UTRN: variants seen among roughly 807,000 people sequenced by gnomAD.
UTRN encodes the protein dystrophin-related protein 1.
A neutral mutation model predicts 463.9 loss-of-function variants in UTRN; 283 were observed. That is an observed-to-expected ratio of 0.61 (90% CI 0.55 to 0.67). The LOEUF (loss-of-function observed/expected upper bound fraction) is 0.67. Ranked by LOEUF, UTRN falls within the 30% of genes least tolerant of loss-of-function variation. The probability of loss-of-function intolerance (pLI) is 0.00; values close to 1 mark genes in which losing one functional copy is unlikely to be tolerated. For synonymous variants in UTRN, 1,442 were observed against 1,431.5 expected (o/e 1.01, Z -0.17); for missense variants, 3,922 against 4,084.3 (o/e 0.96, Z 1.08).
intron 27 of UTRN, among the ~76,000 whole-genome samples, chr6:144,483,845 C>T (rs1012821316): frequency 2.0e-5 from 3 of 152,198 alleles, no homozygotes; most frequent in East Asian, 1.9e-4. Context: ...AACACATACC[C>T]CCCTCCAAGA....
At position 144,461,205 on chromosome 6, in the gene UTRN, G is replaced by A; in HGVS notation, c.2716G>A (p.Gly906Ser). 1 of 1,577,830 alleles carries A rather than the reference G, an allele frequency of 6.3e-7. No homozygotes were observed. Residue 906 changes from glycine (G) to serine (S), a missense_variant, in exon 22 of 75, where the codon GGC becomes AGC. Coordinates refer to ENST00000367545, the MANE Select transcript of UTRN (RefSeq NM_007124.3). ...RQQHLENELK[G>S]QPGHAYLETL... ...TATTTTTAAATAAACAGAACTGAAGGGCCAACCTGGACATGCATATCTGGA... is the reference window on the plus strand; with the variant it reads ...TATTTTTAAATAAACAGAACTGAAGAGCCAACCTGGACATGCATATCTGGA...
chr6:144,619,753 T>C (rs764585373), intron 51 of UTRN, among the ~76,000 whole-genome samples: 1 of 152,186 alleles, frequency 6.6e-6, no homozygotes, highest in Non-Finnish European at 1.5e-5. Context: ...CAAAGTTAGA[T>C]GGACTCCATA....
At chr6:144,508,695 C>T (rs1794911368) in intron 34 of UTRN, among the ~76,000 whole-genome samples, 1 of 152,196 alleles carries the variant, frequency 6.6e-6, no homozygotes, top group Non-Finnish European at 1.5e-5. Flanking sequence ...CAGCCACCTC[C>T]TCTGCTAGCT....
In UTRN at chr6:144,286,491, G is replaced by T. The variant is rs1187045169; in HGVS notation, c.-93+670G>T. Among the ~76,000 whole-genome samples, 2 of 152,178 alleles carry T rather than the reference G, an allele frequency of 1.3e-5. No individual in the cohort carries two copies. Among genetic ancestry groups the T allele is most frequent in the Admixed American group, 6.5e-5 (1 of 15,284 alleles). On this transcript the variant is annotated intron_variant, in intron 1 of 74. Transcript: ENST00000367545. The surrounding 1 kb of genome is among the most constrained non-coding windows in gnomAD (Gnocchi z 4.4). ...AGACTGAGGGGACAGGAGGAGGGGG[G>T]CGCCCCATTGGTGTGTAGTCCCGCG... is the stretch of plus-strand genomic sequence containing the variant.
At chr6:144,690,295 G>A (rs1446486023) in intron 52 of UTRN, among the ~76,000 whole-genome samples, 2 of 151,480 alleles carry the variant, frequency 1.3e-5, no homozygotes, top group Non-Finnish European at 2.9e-5. Context: ...AGCTGCCTCT[G>A]CTGCACAGAA....
At chr6:144,584,112 T>C (rs2128628116) in intron 51 of UTRN, among the ~76,000 whole-genome samples, 1 of 152,340 alleles carries the variant, frequency 6.6e-6, no homozygotes, top group East Asian at 1.9e-4. Flanking sequence ...CCCTATATTC[T>C]TAAATCTCCA....
At chr6:144,481,770 C>T (rs764156263) in intron 26 of UTRN, among the ~76,000 whole-genome samples, 1 of 152,192 alleles carries the variant, frequency 6.6e-6, no homozygotes, top group Non-Finnish European at 1.5e-5. Context: ...CAAAAACGCT[C>T]AACTGGGCTG....
Position 144,435,922 on chromosome 6 carries a change from T to C in UTRN, c.856-13T>C. Reference sequence around the variant, plus strand: ...ATGATTAGTGTGGGTTTTTCTTGGCTTTGTTTTTACAGAGTACAGCGCCTG... The same window carrying C: ...ATGATTAGTGTGGGTTTTTCTTGGCCTTGTTTTTACAGAGTACAGCGCCTG... On this transcript the variant is annotated splice_polypyrimidine_tract_variant and intron_variant, in intron 9 of 74. Coordinates refer to ENST00000367545, the MANE Select transcript of UTRN (RefSeq NM_007124.3). 6.2e-7 allele frequency: 1 copy of C among 1,612,738 alleles called. No homozygotes were observed. The highest frequency in any genetic ancestry group is 1.1e-5 in the South Asian group (1 of 90,960).
intron 51 of UTRN, among the ~76,000 whole-genome samples, chr6:144,645,871 C>G (rs1482953674): frequency 6.6e-6 from 1 of 152,176 alleles, no homozygotes; most frequent in South Asian, 2.1e-4. Context: ...GAAAGCAACT[C>G]TTTAAAAAAA....
At chr6:144,434,843 G>A (rs1158332398) in intron 9 of UTRN, among the ~76,000 whole-genome samples, 5 of 152,234 alleles carry the variant, frequency 3.3e-5, no homozygotes, top group African/African-American at 9.6e-5. Context: ...GCCTTGAGGA[G>A]TGCTACCAAG....
chr6:144,706,404 G>C (rs1244370670), intron 53 of UTRN, among the ~76,000 whole-genome samples: 1 of 151,810 alleles, frequency 6.6e-6, no homozygotes, highest in Non-Finnish European at 1.5e-5. Flanking sequence ...GAACATGAGA[G>C]GCACAGTGTA....
At chr6:144,560,733 CT>C (rs1303488879) in intron 50 of UTRN, among the ~76,000 whole-genome samples, 5 of 152,060 alleles carry the variant, frequency 3.3e-5, no homozygotes, top group African/African-American at 1.2e-4. Flanking sequence ...CTAAAAACAG[CT>C]TTGATAACAG....
chr6:144,422,569 G>C (rs1379708484), intron 4 of UTRN, among the ~76,000 whole-genome samples: 1 of 151,444 alleles, frequency 6.6e-6, no homozygotes, highest in African/African-American at 2.4e-5. Flanking sequence ...AGTGAGCCGA[G>C]ATTGCGCCAC....
intron 52 of UTRN, among the ~76,000 whole-genome samples, chr6:144,693,703 A>T (rs2128693856): frequency 6.6e-6 from 1 of 151,980 alleles, no homozygotes; most frequent in African/African-American, 2.4e-5. Context: ...ACTGTTGTTG[A>T]TGTGTAGGAA....
In UTRN at chr6:144,459,187, A is replaced by C. The variant is rs1789166316; in HGVS notation, c.2540A>C (p.Asn847Thr). Residue 847 changes from asparagine to threonine, a missense_variant, in exon 21 of 75, where the codon AAT becomes ACT. Around this residue, in one of 3 missense-constraint regions of UTRN, gnomAD observed 2,349 missense variants for 2,303.8 expected, o/e 1.02. Transcript: ENST00000367545. ...TCTCTTCCTTAGCGGGAATTGACAA[A>C]TCTTCTTGGCCTTCACCCCAAAATT... is the stretch of plus-strand genomic sequence containing the variant. ...LKDSCQRELT[N>T]LLGLHPKIEM... 2 of 1,610,988 alleles carry C rather than the reference A, an allele frequency of 1.2e-6. No individual in the cohort carries two copies. The highest frequency in any genetic ancestry group is 2.7e-5 in the African/African-American group (2 of 74,866).
At chr6:144,605,760 C>G (rs768289627) in intron 51 of UTRN, among the ~76,000 whole-genome samples, 2 of 149,428 alleles carry the variant, frequency 1.3e-5, no homozygotes, top group Non-Finnish European at 3.0e-5. Flanking sequence ...ATCTTCATTT[C>G]AGATTTTCAT....
At chr6:144,783,160 C>T (rs1309001349) in intron 61 of UTRN, among the ~76,000 whole-genome samples, 1 of 151,464 alleles carries the variant, frequency 6.6e-6, no homozygotes, top group Non-Finnish European at 1.5e-5. Flanking sequence ...CGTGCCACTC[C>T]ACTCCAGTCT....
intron 2 of UTRN, among the ~76,000 whole-genome samples, chr6:144,397,721 C>G (rs947006719): frequency 1.3e-5 from 2 of 151,902 alleles, no homozygotes; most frequent in African/African-American, 4.8e-5. Flanking sequence ...ATGAACCATA[C>G]TTCATCTATT....
At position 144,851,123 on chromosome 6, in the gene UTRN, G is replaced by A; in HGVS notation, c.*126G>A. ...TGGCCCACGATGTTGAGTGCTGACT[G>A]TGTGTTCTACTGAAAGAGTAAAACA... On this transcript the variant is annotated 3_prime_UTR_variant, in exon 75 of 75. Transcript: ENST00000367545. 1 of 1,233,868 alleles carries A rather than the reference G, an allele frequency of 8.1e-7. No homozygotes were observed. The highest frequency in any genetic ancestry group is 1.2e-6 in the Non-Finnish European group (1 of 836,204). The allele number at this position is 1,233,868 out of a possible 1,614,324, so 76.4% of individuals were successfully genotyped here.
Sources: allele counts gnomAD v4.1 joint callset (sites outside exome capture counted in the v4.1 genomes callset), GRCh38; gene constraint gnomAD v4.1.1; regional missense constraint gnomAD v4.1.1; non-coding constraint Gnocchi (gnomAD v3.1); transcripts MANE v1.5; gene names NCBI Gene and HGNC (gene_info 2026-07-23, HGNC 2026-07-21).